TTLL12: variants seen among roughly 807,000 people sequenced by gnomAD.
TTLL12 encodes the protein tubulin--tyrosine ligase-like protein 12.
A neutral mutation model predicts 79.6 loss-of-function variants in TTLL12; 77 were observed. The observed-to-expected ratio is 0.97, with a 90% CI of 0.81 to 1.17. TTLL12 has a LOEUF of 1.17. Ranked by LOEUF, TTLL12 falls within the 50% of genes most tolerant of loss-of-function variation. The pLI is 0.00. For synonymous variants in TTLL12, 437 were observed against 376.1 expected, an observed-to-expected ratio of 1.16 and a Z score of -1.87; for missense variants, 969 against 895.9, an observed-to-expected ratio of 1.08 and a Z score of -1.04.
chr22:43,168,571 G>A (rs1931677894), intron 13 of TTLL12, among the ~76,000 whole-genome samples: 1 of 152,218 alleles, frequency 6.6e-6, no homozygotes, highest in Non-Finnish European at 1.5e-5. Flanking sequence ...CCGACTCAGA[G>A]GCCCAACCCG....
chr22:43,177,130 A>G (rs1931935864), intron 5 of TTLL12, among the ~76,000 whole-genome samples: 1 of 151,986 alleles, frequency 6.6e-6, no homozygotes, highest in East Asian at 1.9e-4. Context: ...GCACTTTGGG[A>G]AGCTGAGGTG....
chr22:43,174,298 G>A lies in TTLL12; in HGVS notation c.1140C>T (p.Gly380=). The A allele has an allele frequency of 6.2e-7, 1 of 1,611,058 alleles. No individual in the cohort carries two copies. Among genetic ancestry groups the A allele is most frequent in the Non-Finnish European group, 8.5e-7 (1 of 1,179,392 alleles). Residue 380 remains glycine (G), a synonymous_variant, in exon 8 of 14, where the codon GGC becomes GGT. Transcript: ENST00000216129. ...CLASIARRAG[G]PEGPPWLPRT... ...GGGGCAGCCAGGGTGGGCCCTCGGGGCCACCTGCCCGGCGCGCGATGGAGG... is the reference window on the plus strand; with the variant it reads ...GGGGCAGCCAGGGTGGGCCCTCGGGACCACCTGCCCGGCGCGCGATGGAGG...
intron 1 of TTLL12, among the ~76,000 whole-genome samples, chr22:43,185,680 T>G (rs1345414427): frequency 6.6e-6 from 1 of 152,170 alleles, no homozygotes; most frequent in East Asian, 1.9e-4. Context: ...AGCCAGATGG[T>G]GTCTCACCAT....
intron 5 of TTLL12, among the ~76,000 whole-genome samples, chr22:43,178,737 C>A (rs1440890656): frequency 1.3e-5 from 2 of 152,248 alleles, no homozygotes; most frequent in African/African-American, 4.8e-5. Flanking sequence ...GGGGGCAAGC[C>A]TGCAGCCTCA....
intron 9 of TTLL12, 78 bp from the exon 10 acceptor site, chr22:43,172,632 G>T: frequency 6.5e-7 from 1 of 1,548,086 alleles, no homozygotes; most frequent in African/African-American, 1.4e-5. Context: ...AGCCACGCAG[G>T]GGGCACAGAC....
intron 12 of TTLL12, 24 bp downstream of exon 12, chr22:43,169,476 G>A (rs369116240): frequency 5.1e-6 from 8 of 1,557,288 alleles, no homozygotes; most frequent in Non-Finnish European, 7.0e-6. Context: ...ACCGGCCTGC[G>A]ATGGTGTGCA....
chr22:43,171,756 G>C, intron 11 of TTLL12, 63 bp downstream of exon 11: 1 of 1,423,706 alleles, frequency 7.0e-7, no homozygotes, highest in Non-Finnish European at 9.8e-7. Flanking sequence ...AGTGTGGGCG[G>C]GGTGGGGTCG....
intron 3 of TTLL12, 62 bp from the exon 4 acceptor site, chr22:43,180,062 GGAACCCAGACATC>G: frequency 6.6e-7 from 1 of 1,511,842 alleles, no homozygotes; most frequent in South Asian, 1.3e-5. Flanking sequence ...ACTCCCTTCC[GGAACCCAGACATC>G]GACCACCAGC....
At chr22:43,168,640 T>C in intron 13 of TTLL12, 134 bp downstream of exon 13, 3 of 1,314,102 alleles carry the variant, frequency 2.3e-6, no homozygotes, top group Non-Finnish European at 3.1e-6. Flanking sequence ...AGCCAGGGCT[T>C]TCCCCAACCC....
At chr22:43,184,238 C>T (rs567337874) in intron 1 of TTLL12, among the ~76,000 whole-genome samples, 27 of 152,380 alleles carry the variant, frequency 1.8e-4, no homozygotes, top group African/African-American at 5.8e-4. Context: ...CGATTAAAAA[C>T]GGCAGTTGGA....
chr22:43,174,151 A>G, intron 8 of TTLL12, 58 bp downstream of exon 8: 1 of 1,561,798 alleles, frequency 6.4e-7, no homozygotes, highest in South Asian at 1.2e-5. Flanking sequence ...AGGCGGACAC[A>G]GACGCTGGGC....
rs1449220194 is a variant in TTLL12, at chr22:43,186,970, G to A, written c.100C>T (p.Leu34=). The change falls in exon 1 of 14, where the codon CTG becomes TTG. Residue 34 remains leucine (L), a synonymous_variant. Coordinates refer to ENST00000216129, the MANE Select transcript of TTLL12 (RefSeq NM_015140.4). The part of the protein sequence containing the change: ...GAQALAEFAA[L]HGPALRASGV... ...GAAGCGCGCAGCGCCGGGCCGTGCAGCGCCGCGAACTCGGCCAAGGCCTGC... is the reference window on the plus strand; with the variant it reads ...GAAGCGCGCAGCGCCGGGCCGTGCAACGCCGCGAACTCGGCCAAGGCCTGC... The A allele has an allele frequency of 1.5e-6, 2 of 1,320,512 alleles. No individual in the cohort carries two copies. Among genetic ancestry groups the A allele is most frequent in the Non-Finnish European group, 1.9e-6 (2 of 1,031,402 alleles). 81.8% of individuals were successfully genotyped at this position (1,320,512 alleles called of 1,614,324 possible).
upstream of TTLL12, chr22:43,187,134 T>TGCCCC (rs1932209354): frequency 1.2e-5 from 11 of 919,460 alleles, no homozygotes; most frequent in Non-Finnish European, 1.4e-5. Context: ...CCGTCGGCCC[T>TGCCCC]GCCCTCCCGC....
intron 5 of TTLL12, among the ~76,000 whole-genome samples, chr22:43,176,729 CAAAAAAAAAAAAAAAA>C (rs869094672): frequency 1.7e-5 from 1 of 58,910 alleles, no homozygotes; most frequent in Non-Finnish European, 3.1e-5. Flanking sequence ...GACTACATCT[CAAAAAAAAAAAAAAAA>C]AAAAAAAAGG....
intron 1 of TTLL12, 33 bp from the exon 2 acceptor site, chr22:43,183,182 G>C (rs1217586168): frequency 3.7e-6 from 6 of 1,610,180 alleles, no homozygotes; most frequent in Non-Finnish European, 5.1e-6. Context: ...GCAGGGGTGT[G>C]GGCAGGAGAC....
intron 1 of TTLL12, among the ~76,000 whole-genome samples, chr22:43,184,987 C>A (rs1000834103): frequency 6.6e-6 from 1 of 151,942 alleles, no homozygotes; most frequent in African/African-American, 2.4e-5. Flanking sequence ...CCCAACACTT[C>A]GGGAGGCCAA....
chr22:43,168,916 G>C lies in TTLL12; in HGVS notation c.1645-4C>G, dbSNP rs747816388. On this transcript the variant is annotated splice_polypyrimidine_tract_variant and splice_region_variant and intron_variant, in intron 12 of 13. Coordinates refer to ENST00000216129, the MANE Select transcript of TTLL12 (RefSeq NM_015140.4). ...TGAAGGCCCGGAAGATCTCAGCCTGGGGACCGGGGAGCCTGAGTTACGAGG... is the reference window on the plus strand; with the variant it reads ...TGAAGGCCCGGAAGATCTCAGCCTGCGGACCGGGGAGCCTGAGTTACGAGG... The C allele has an allele frequency of 2.5e-6, 4 of 1,607,786 alleles. No homozygotes were observed. The highest frequency in any genetic ancestry group is 3.4e-6 in the Non-Finnish European group (4 of 1,177,128).
chr22:43,174,511 A>G lies in TTLL12; in HGVS notation c.1022T>C (p.Phe341Ser). 2 of 1,611,712 alleles carry G rather than the reference A, an allele frequency of 1.2e-6. No individual in the cohort carries two copies. The highest frequency in any genetic ancestry group is 2.2e-5 in the South Asian group (2 of 90,876). ...DADILFNFSH[F>S]KDYRKLSQER... is the part of the protein sequence containing the mutation. ...GAGGTGCCCTCACCTGTAGTCCTTG[A>G]AGTGTGAGAAGTTGAAGAGGATGTC... Residue 341 changes from phenylalanine to serine, a missense_variant, in exon 7 of 14, where the codon TTC becomes TCC. By Grantham distance (155) the Phe-to-Ser change is radical. Coordinates refer to ENST00000216129, the MANE Select transcript of TTLL12 (RefSeq NM_015140.4).
intron 1 of TTLL12, 74 bp from the exon 2 acceptor site, chr22:43,183,223 G>A: frequency 1.3e-6 from 2 of 1,570,708 alleles, no homozygotes; most frequent in East Asian, 4.5e-5. Flanking sequence ...ACTCCAGAAA[G>A]CCACCCGAGG....
Sources: gnomAD v4.1 joint callset for allele counts (sites outside exome capture counted in the v4.1 genomes callset) on GRCh38, gnomAD v4.1.1 for gene constraint, MANE v1.5 for transcripts, NCBI Gene and HGNC (gene_info 2026-07-23, HGNC 2026-07-21) for gene names.